USP25: variants seen among roughly 807,000 people sequenced by gnomAD.
USP25 encodes ubiquitin specific peptidase 25.
In USP25, 85 loss-of-function variants were observed where a neutral mutation model predicts 158.5. The ratio of observed to expected loss-of-function variants is 0.54; its 90% CI spans 0.45 to 0.64. USP25 has a LOEUF of 0.64. USP25 is among the 30% of genes least tolerant of loss of function. The probability of loss-of-function intolerance (pLI) is 0.00; values close to 1 mark genes in which losing one functional copy is unlikely to be tolerated. For synonymous variants in USP25, 464 were observed against 460.4 expected (o/e 1.01, Z -0.10); for missense variants, 1,242 against 1,327.3 (o/e 0.94, Z 1.00).
At chr21:15,782,761 C>T (rs552591160) in intron 4 of USP25, among the ~76,000 whole-genome samples, 2 of 152,278 alleles carry the variant, frequency 1.3e-5, no homozygotes. Context: ...AAACCTCTTC[C>T]TATGAAAGCT....
At chr21:15,863,009 CT>C (rs1472168404) in intron 20 of USP25, among the ~76,000 whole-genome samples, 2 of 151,752 alleles carry the variant, frequency 1.3e-5, no homozygotes, top group African/African-American at 4.8e-5. Context: ...ATTAAAAAAA[CT>C]TTTTAATTGA....
chr21:15,806,425 G>A (rs2036393678), intron 7 of USP25, among the ~76,000 whole-genome samples: 2 of 29,608 alleles, frequency 6.8e-5, no homozygotes, highest in African/African-American at 1.8e-4. Context: ...CTTTTTTCTG[G>A]TTTCTTTTTT....
chr21:15,751,306 G>A (rs994722440), intron 1 of USP25, among the ~76,000 whole-genome samples: 1 of 152,132 alleles, frequency 6.6e-6, no homozygotes, highest in African/African-American at 2.4e-5. Context: ...GATGAATGGA[G>A]TTTCCAAGAG....
chr21:15,852,477 A>G (rs771534712), intron 20 of USP25, among the ~76,000 whole-genome samples: 5 of 152,132 alleles, frequency 3.3e-5, no homozygotes, highest in Admixed American at 6.5e-5. Context: ...AATTGTATCA[A>G]TGTTACGCTT....
chr21:15,749,680 A>T (rs2032837754), intron 1 of USP25, among the ~76,000 whole-genome samples: 1 of 152,210 alleles, frequency 6.6e-6, no homozygotes, highest in South Asian at 2.1e-4. Context: ...TTGAAAGTTA[A>T]ATAAAGTATT....
intron 1 of USP25, among the ~76,000 whole-genome samples, chr21:15,755,816 G>T (rs2033336700): frequency 6.6e-6 from 1 of 152,122 alleles, no homozygotes; most frequent in Admixed American, 6.5e-5. Context: ...AAAATATGAG[G>T]CTCTAAAAAG....
chr21:15,776,706 G>A (rs1236453793), intron 3 of USP25, among the ~76,000 whole-genome samples: 1 of 151,968 alleles, frequency 6.6e-6, no homozygotes, highest in Non-Finnish European at 1.5e-5. Flanking sequence ...TTAGCCAAGT[G>A]GTGCATGCCT....
chr21:15,808,345 T>C (rs2036493751), intron 7 of USP25, among the ~76,000 whole-genome samples: 1 of 151,182 alleles, frequency 6.6e-6, no homozygotes, highest in South Asian at 2.1e-4. Flanking sequence ...AAAAGTTGTG[T>C]GTGTAAGTTG....
At chr21:15,848,850 A>G (rs1015526578) in intron 19 of USP25, among the ~76,000 whole-genome samples, 1 of 152,194 alleles carries the variant, frequency 6.6e-6, no homozygotes, top group Non-Finnish European at 1.5e-5. Flanking sequence ...AGTAAATACA[A>G]TGAGTAATAG....
Position 15,879,546 on chromosome 21 carries a change from A to G in USP25, c.*1071A>G, listed in dbSNP as rs1753515898. ...TTCAAAAAGGAAAAAGCTGTAGAAC[A>G]TTTTGTAGATGAAACTACTGTTTAA... On this transcript the variant is annotated 3_prime_UTR_variant, in exon 26 of 26. Coordinates refer to ENST00000400183, the MANE Select transcript of USP25 (RefSeq NM_001283041.3). The G allele has an allele frequency of 6.6e-6, 1 of 152,576 alleles. No homozygotes were observed. The highest frequency in any genetic ancestry group is 6.5e-5 in the Admixed American group (1 of 15,282). 9.5% of individuals were successfully genotyped at this position (152,576 alleles called of 1,614,324 possible).
chr21:15,739,120 C>T (rs1349596757), intron 1 of USP25, among the ~76,000 whole-genome samples: 3 of 152,292 alleles, frequency 2.0e-5, no homozygotes, highest in East Asian at 1.9e-4. Flanking sequence ...GTCTGCGGCT[C>T]GTCCTGCTAC....
At chr21:15,828,188 C>T (rs879814988) in intron 14 of USP25, among the ~76,000 whole-genome samples, 7 of 152,136 alleles carry the variant, frequency 4.6e-5, no homozygotes, top group Admixed American at 3.9e-4. Context: ...TGGTGACTAA[C>T]AGCATTAGTA....
At chr21:15,844,359 G>A (rs1971545401) in intron 18 of USP25, among the ~76,000 whole-genome samples, 1 of 152,078 alleles carries the variant, frequency 6.6e-6, no homozygotes, top group African/African-American at 2.4e-5. Context: ...TATTATGAAT[G>A]CAACCTTGAA....
chr21:15,823,582 A>G (rs918873174), intron 10 of USP25, among the ~76,000 whole-genome samples: 3 of 152,112 alleles, frequency 2.0e-5, no homozygotes, highest in Non-Finnish European at 4.4e-5. Flanking sequence ...CATTTTTAGT[A>G]TGAGAGTTGT....
chr21:15,827,777 T>C (rs1053537937), intron 14 of USP25, among the ~76,000 whole-genome samples: 3 of 147,646 alleles, frequency 2.0e-5, no homozygotes, highest in South Asian at 2.3e-4. Context: ...TGTGTGTGTG[T>C]GTGTGTGTGT....
intron 6 of USP25, 152 bp from the exon 7 acceptor site, chr21:15,804,969 C>T: frequency 1.3e-6 from 1 of 783,086 alleles, no homozygotes; most frequent in Non-Finnish European, 1.8e-6. Context: ...CACCAACACT[C>T]TACTTTCTTC....
intron 4 of USP25, among the ~76,000 whole-genome samples, chr21:15,788,737 G>GCAAA (rs1239791854): frequency 4.6e-5 from 7 of 151,828 alleles, no homozygotes; most frequent in Non-Finnish European, 1.5e-5. Flanking sequence ...TCTACCATGT[G>GCAAA]GTATGGTTAA....
intron 20 of USP25, among the ~76,000 whole-genome samples, chr21:15,850,918 C>T (rs957447340): frequency 2.0e-5 from 3 of 151,868 alleles, no homozygotes; most frequent in African/African-American, 7.3e-5. Flanking sequence ...GCAAACTGGT[C>T]CCAGGACAAG....
intron 5 of USP25, among the ~76,000 whole-genome samples, chr21:15,797,706 T>C (rs1001785838): frequency 1.3e-5 from 2 of 151,230 alleles, no homozygotes; most frequent in Admixed American, 6.6e-5. Flanking sequence ...TTTAAATTCC[T>C]CAAAAGAATA....
Sources: gnomAD v4.1 joint callset for allele counts (sites outside exome capture counted in the v4.1 genomes callset) on GRCh38, gnomAD v4.1.1 for gene constraint, MANE v1.5 for transcripts, NCBI Gene and HGNC (gene_info 2026-07-23, HGNC 2026-07-21) for gene names.